MYO1H: variants seen among roughly 807,000 people sequenced by gnomAD.
The protein encoded by MYO1H is myosin IH.
A neutral mutation model predicts 149.3 loss-of-function variants in MYO1H; 118 were observed. The ratio of observed to expected loss-of-function variants is 0.79; its 90% CI spans 0.68 to 0.92. The LOEUF is 0.92. Among genes scored for constraint, MYO1H ranks in the 40% least tolerant of loss-of-function variants. The probability of loss-of-function intolerance (pLI) is 0.00; values close to 1 mark genes in which losing one functional copy is unlikely to be tolerated. For missense variants in MYO1H, 1,212 were observed against 1,280.7 expected (o/e 0.95, Z 0.82); for synonymous variants, 447 against 465.2 (o/e 0.96, Z 0.50).
At chr12:109,346,616 CTGGGCGTTG>C (rs1310130711), upstream of MYO1H, among the ~76,000 whole-genome samples, 1 of 151,946 alleles carries the variant, frequency 6.6e-6, no homozygotes, top group Non-Finnish European at 1.5e-5. Flanking sequence ...CAAAAGTTAG[CTGGGCGTTG>C]TGGCGGGTGC....
chr12:109,445,454 C>A, intron 30 of MYO1H, 59 bp from the exon 31 acceptor site: 4 of 1,300,828 alleles, frequency 3.1e-6, no homozygotes, highest in South Asian at 2.7e-5. Flanking sequence ...TTCTGTAGAC[C>A]AAAGGTTGAG....
intron 5 of MYO1H, among the ~76,000 whole-genome samples, chr12:109,399,718 C>A (rs1219212028): frequency 6.6e-6 from 1 of 151,922 alleles, no homozygotes; most frequent in Non-Finnish European, 1.5e-5. Flanking sequence ...TCAAGACCAG[C>A]CTGGGCAACA....
chr12:109,313,595 C>T, the MYO1H span, among the ~76,000 whole-genome samples: 9 of 152,170 alleles, frequency 5.9e-5, no homozygotes, highest in South Asian at 1.9e-3. Flanking sequence ...TGGATGTTTC[C>T]GGGAAGGGAA....
upstream of MYO1H, among the ~76,000 whole-genome samples, chr12:109,346,168 TG>T (rs1055081522): frequency 6.6e-5 from 10 of 152,316 alleles, no homozygotes; most frequent in South Asian, 4.1e-4. Context: ...TTGTCATTGT[TG>T]CCTAGACAAT....
intron 1 of MYO1H, among the ~76,000 whole-genome samples, chr12:109,378,876 A>G (rs1290204866): frequency 6.6e-6 from 1 of 152,198 alleles, no homozygotes; most frequent in African/African-American, 2.4e-5. Flanking sequence ...CTCTTTTAAA[A>G]TATAGGTTCC....
Position 109,376,489 on chromosome 12 carries a change from G to A in MYO1H, c.13-12194G>A, listed in dbSNP as rs563882194. Among the ~76,000 whole-genome samples, 12 of 152,240 alleles carry A rather than the reference G, an allele frequency of 7.9e-5. No homozygotes were observed. The South Asian group carries it at 2.1e-3, about 26-fold the overall frequency. On this transcript the variant is annotated intron_variant, in intron 1 of 31. Coordinates refer to ENST00000310903, the Ensembl canonical transcript of MYO1H. ...GAAAATTACTTTTCTGTGTGGTATG[G>A]GGTAGGCATACAGTTTTTTTGCACA...
At chr12:109,377,202 G>A (rs1463074413) in intron 1 of MYO1H, among the ~76,000 whole-genome samples, 2 of 152,132 alleles carry the variant, frequency 1.3e-5, no homozygotes, top group Non-Finnish European at 2.9e-5. Context: ...TTGCTATAAA[G>A]GAATACTTGA....
the MYO1H span, among the ~76,000 whole-genome samples, chr12:109,322,992 A>G: frequency 4.6e-5 from 7 of 152,050 alleles, no homozygotes; most frequent in African/African-American, 2.4e-5. Flanking sequence ...CTGTGGTCCC[A>G]GCTACTCGGG....
chr12:109,423,345 A>G (rs1871249261), intron 16 of MYO1H, among the ~76,000 whole-genome samples: 1 of 152,118 alleles, frequency 6.6e-6, no homozygotes, highest in African/African-American at 2.4e-5. Context: ...TATTTTTAGT[A>G]GAGACGGTGT....
intron 19 of MYO1H, among the ~76,000 whole-genome samples, chr12:109,431,875 C>A (rs996769634): frequency 1.3e-5 from 2 of 152,028 alleles, no homozygotes; most frequent in African/African-American, 4.8e-5. Flanking sequence ...ATCTCTGTTA[C>A]CCAGGCTGGA....
At chr12:109,447,487 G>A in exon 32 of MYO1H, 1 of 494,858 alleles carries the variant, frequency 2.0e-6, no homozygotes, top group South Asian at 2.9e-5. Context: ...TCATTAGAGG[G>A]TGGGCAAGAT....
intron 15 of MYO1H, among the ~76,000 whole-genome samples, chr12:109,417,558 A>C (rs1017747932): frequency 1.3e-5 from 2 of 151,832 alleles, no homozygotes; most frequent in African/African-American, 2.4e-5. Context: ...CCATCTACCG[A>C]CCTCGTGATG....
intron 19 of MYO1H, among the ~76,000 whole-genome samples, chr12:109,431,094 A>G (rs893319099): frequency 2.1e-5 from 3 of 144,724 alleles, no homozygotes; most frequent in East Asian, 2.1e-4. Flanking sequence ...TAAACATAAT[A>G]TGAGGCCAGG....
At chr12:109,336,132 A>G in the MYO1H span, among the ~76,000 whole-genome samples, 1 of 152,116 alleles carries the variant, frequency 6.6e-6, no homozygotes, top group South Asian at 2.1e-4. Context: ...ACAGCAGTCA[A>G]TGTTCCCTGA....
chr12:109,361,648 T>A (rs1265357707), intron 1 of MYO1H, among the ~76,000 whole-genome samples: 3 of 151,228 alleles, frequency 2.0e-5, no homozygotes, highest in Admixed American at 6.6e-5. Flanking sequence ...TCTATGAAAA[T>A]TTTTTTAAAA....
intron 1 of MYO1H, among the ~76,000 whole-genome samples, chr12:109,357,444 G>A (rs1639484320): frequency 1.3e-5 from 2 of 152,200 alleles, no homozygotes; most frequent in South Asian, 4.1e-4. Flanking sequence ...AAAGAAGGAT[G>A]TGTGCTAAAC....
chr12:109,393,630 CATATCCATCCAT>C (rs1378488878), intron 3 of MYO1H, among the ~76,000 whole-genome samples, 184 bp downstream of exon 3: 2 of 151,082 alleles, frequency 1.3e-5, no homozygotes, highest in Admixed American at 6.6e-5. Flanking sequence ...CATCCATCCA[CATATCCATCCAT>C]CCGCCTATCC....
At chr12:109,371,775 T>G (rs1187311467) in intron 1 of MYO1H, among the ~76,000 whole-genome samples, 7 of 152,192 alleles carry the variant, frequency 4.6e-5, no homozygotes, top group Non-Finnish European at 1.0e-4. Context: ...TATATACACC[T>G]TCTCACTTGT....
the MYO1H span, among the ~76,000 whole-genome samples, chr12:109,327,915 G>A: frequency 6.6e-6 from 1 of 151,684 alleles, no homozygotes; most frequent in Non-Finnish European, 1.5e-5. Flanking sequence ...TCAGTGCTGG[G>A]TCCTGTCCCA....
Sources: gnomAD v4.1 joint callset for allele counts (sites outside exome capture counted in the v4.1 genomes callset) on GRCh38, gnomAD v4.1.1 for gene constraint, MANE v1.5 for transcripts, NCBI Gene and HGNC (gene_info 2026-07-23, HGNC 2026-07-21) for gene names.